Variants in CDH26 observed in about 807,000 individuals in gnomAD.
The protein encoded by CDH26 is cadherin-like protein 26.
CDH26 carries 83 observed loss-of-function variants against 90.3 expected under a neutral mutation model. The ratio of observed to expected loss-of-function variants is 0.92; its 90% CI spans 0.77 to 1.10. The LOEUF (loss-of-function observed/expected upper bound fraction) is 1.10, where lower values mean the gene tolerates loss of function less well. Ranked by LOEUF, CDH26 falls within the 50% of genes least tolerant of loss-of-function variation. The pLI, the probability that CDH26 is intolerant of heterozygous loss-of-function variation, is 0.00. For synonymous variants in CDH26, 397 were observed against 396.3 expected (o/e 1.00, Z -0.02); for missense variants, 1,013 against 1,037.6 (o/e 0.98, Z 0.33).
chr20:59,995,261 G>A (rs1406644401), intron 11 of CDH26, among the ~76,000 whole-genome samples: 1 of 152,140 alleles, frequency 6.6e-6, no homozygotes, highest in Non-Finnish European at 1.5e-5. Flanking sequence ...GAGCCGGATA[G>A]GGGCAATGTG....
At position 60,013,522 on chromosome 20, in the gene CDH26, G is replaced by A. The variant is rs375964241; in HGVS notation, c.*792G>A. 2.0e-5 allele frequency: 3 copies of A among 152,050 alleles called. No individual in the cohort carries two copies. Among genetic ancestry groups the A allele is most frequent in the Non-Finnish European group, 4.4e-5 (3 of 68,006 alleles). 9.4% of individuals were successfully genotyped at this position (152,050 alleles called of 1,614,324 possible). A position where few individuals can be genotyped will look rare whatever the true frequency, so the allele number is the denominator to read the frequency against. ...GGTTTCTTTTAAAAATCTTAATAGGGGACATATGCCCTAAAAATAGTCAGT... is the reference window on the plus strand; with the variant it reads ...GGTTTCTTTTAAAAATCTTAATAGGAGACATATGCCCTAAAAATAGTCAGT... On this transcript the variant is annotated 3_prime_UTR_variant, in exon 18 of 18. Transcript: ENST00000348616.
At chr20:60,022,598 A>G (rs1182181196) in intron 7 of CDH26, among the ~76,000 whole-genome samples, 2 of 152,232 alleles carry the variant, frequency 1.3e-5, no homozygotes, top group Non-Finnish European at 2.9e-5. Flanking sequence ...GGTCCCCTCA[A>G]AGATGACCTG....
chr20:60,024,961 T>A (rs1213838358), intron 7 of CDH26, among the ~76,000 whole-genome samples: 1 of 152,198 alleles, frequency 6.6e-6, no homozygotes, highest in Non-Finnish European at 1.5e-5. Context: ...TGCGCCCTCC[T>A]CTGCCTCTCC....
In CDH26 at chr20:59,971,945, A is replaced by AT; in HGVS notation, c.232-12dup. 1.9e-6 allele frequency: 3 copies of AT among 1,598,542 alleles called. No individual in the cohort carries two copies. The African/African-American group carries it at 4.0e-5, about 22-fold the overall frequency. On this transcript the variant is annotated splice_polypyrimidine_tract_variant and intron_variant, in intron 3 of 17. Transcript: ENST00000348616. ...CTCATCCTCCTTTTTTCTTCTTTCC[A>AT]TTTTTCCTCCTTCCAGCTGTTCAAT... is the stretch of plus-strand genomic sequence containing the variant.
intron 13 of CDH26, 69 bp downstream of exon 13, chr20:59,996,830 T>A (rs1460605505): frequency 1.9e-6 from 3 of 1,584,588 alleles, no homozygotes; most frequent in Non-Finnish European, 2.6e-6. Context: ...TAGCATGTAT[T>A]TTTCCCCCCA....
rs6071067 is a variant in CDH26 at position 59,994,259 on chromosome 20, C to T, written c.1436C>T (p.Pro479Leu). 9.3e-6 allele frequency: 15 copies of T among 1,613,818 alleles called. No individual in the cohort carries two copies. Among genetic ancestry groups the T allele is most frequent in the African/African-American group, 2.7e-5 (2 of 74,844 alleles). The change falls in exon 11 of 18, where the codon CCG becomes CTG. Residue 479 changes from proline (P) to leucine (L), a missense_variant. Coordinates refer to ENST00000348616, the MANE Select transcript of CDH26 (RefSeq NM_177980.4). ...TTCCTCCCCATACAAGGCTTCCCAC[C>T]GCAGACTGCTACAGGGACCCTAATG... ...IIHAVDDGFP[P>L]QTATGTLMLF...
At chr20:60,015,615 A>C (rs1099722), downstream of CDH26, among the ~76,000 whole-genome samples, 1 of 151,880 alleles carries the variant, frequency 6.6e-6, no homozygotes, top group Non-Finnish European at 1.5e-5. Flanking sequence ...TGTGCAGAAA[A>C]TTTTTCGTTT....
chr20:59,981,072 A>G (rs746325034), intron 4 of CDH26, among the ~76,000 whole-genome samples: 1 of 152,092 alleles, frequency 6.6e-6, no homozygotes, highest in Non-Finnish European at 1.5e-5. Flanking sequence ...TAAACTCTCT[A>G]TTCTGTTTCA....
intron 17 of CDH26, among the ~76,000 whole-genome samples, chr20:60,008,235 A>C (rs994241657): frequency 6.6e-6 from 1 of 152,204 alleles, no homozygotes; most frequent in African/African-American, 2.4e-5. Flanking sequence ...CACGTGTATA[A>C]TACTCACTTT....
intron 1 of CDH26, among the ~76,000 whole-genome samples, chr20:59,966,900 A>G (rs1383682780): frequency 2.0e-5 from 3 of 152,218 alleles, no homozygotes; most frequent in African/African-American, 7.2e-5. Flanking sequence ...ATATAGTGAA[A>G]TGTTCTACAG....
At chr20:59,972,213 GC>G in intron 4 of CDH26, 90 bp downstream of exon 4, 6 of 1,244,864 alleles carry the variant, frequency 4.8e-6, no homozygotes, top group Non-Finnish European at 6.8e-6. Flanking sequence ...CTGACTATGT[GC>G]CAGGTTCCGG....
intron 8 of CDH26, among the ~76,000 whole-genome samples, chr20:60,033,180 G>A (rs187749951): frequency 6.6e-4 from 100 of 152,268 alleles, no homozygotes; most frequent in African/African-American, 2.4e-3. Context: ...TCAACACTTT[G>A]AGTCCTTATT....
intron 17 of CDH26, among the ~76,000 whole-genome samples, chr20:60,011,629 A>G (rs955583923): frequency 1.3e-5 from 2 of 152,202 alleles, no homozygotes; most frequent in Non-Finnish European, 1.5e-5. Flanking sequence ...ATACACAAAT[A>G]AACGGTCTTG....
At chr20:59,961,297 G>A (rs2061069924) in intron 1 of CDH26, among the ~76,000 whole-genome samples, 1 of 152,024 alleles carries the variant, frequency 6.6e-6, no homozygotes, top group Non-Finnish European at 1.5e-5. Flanking sequence ...GGGTGGTTGG[G>A]TGGGGGTGGG....
At chr20:59,979,783 C>T (rs1285939627) in intron 4 of CDH26, among the ~76,000 whole-genome samples, 3 of 151,528 alleles carry the variant, frequency 2.0e-5, no homozygotes, top group African/African-American at 4.8e-5. Flanking sequence ...CCCACCACCA[C>T]ACCTGGCTAA....
downstream of CDH26, among the ~76,000 whole-genome samples, chr20:60,035,875 C>T (rs939849963): frequency 6.6e-6 from 1 of 151,782 alleles, no homozygotes. Flanking sequence ...TGTAAGTTTC[C>T]CGAGGCCTCC....
intron 17 of CDH26, among the ~76,000 whole-genome samples, chr20:60,008,829 G>A (rs1569059775): frequency 6.6e-6 from 1 of 152,220 alleles, no homozygotes; most frequent in African/African-American, 2.4e-5. Flanking sequence ...TGCAGAATGG[G>A]TGCTGCCTGG....
intron 7 of CDH26, among the ~76,000 whole-genome samples, chr20:60,023,143 C>T (rs983105841): frequency 2.0e-5 from 3 of 152,198 alleles, no homozygotes; most frequent in African/African-American, 7.2e-5. Context: ...TGGTCACTGC[C>T]GTCAGAGCTG....
At chr20:59,980,424 A>G (rs1221529136) in intron 4 of CDH26, among the ~76,000 whole-genome samples, 1 of 151,908 alleles carries the variant, frequency 6.6e-6, no homozygotes, top group Admixed American at 6.6e-5. Context: ...CCTCCCGAGT[A>G]GCTGGGATTA....
Sources: gnomAD v4.1 joint callset for allele counts (sites outside exome capture counted in the v4.1 genomes callset) on GRCh38, gnomAD v4.1.1 for gene constraint, MANE v1.5 for transcripts, NCBI Gene and HGNC (gene_info 2026-07-23, HGNC 2026-07-21) for gene names.